NECAB2: variants seen among roughly 807,000 people sequenced by gnomAD.
NECAB2 encodes N-terminal EF-hand calcium-binding protein 2.
In NECAB2, 68 loss-of-function variants were observed where a neutral mutation model predicts 51.9. The ratio of observed to expected loss-of-function variants is 1.31; its 90% CI spans 1.08 to 1.60. NECAB2 has a LOEUF of 1.60. Among genes scored for constraint, NECAB2 ranks in the 40% most tolerant of loss-of-function variants. The probability of loss-of-function intolerance (pLI) is 0.00; values close to 1 mark genes in which losing one functional copy is unlikely to be tolerated. For missense variants in NECAB2, 854 were observed against 490.3 expected (o/e 1.74, Z -7.00); for synonymous variants, 329 against 203.5 (o/e 1.62, Z -5.25).
At position 84,000,713 on chromosome 16, in the gene NECAB2, T is replaced by C. The variant is rs1461514356; in HGVS notation, c.963-11T>C. 1 of 1,613,644 alleles carries C rather than the reference T, an allele frequency of 6.2e-7. No individual in the cohort carries two copies. Among genetic ancestry groups the C allele is most frequent in the Non-Finnish European group, 8.5e-7 (1 of 1,179,822 alleles). ...CTCCAGCCTCCTCCCCCCGACCATC[T>C]CCTGTTGCAGCATCACTGCCGTGAG... On this transcript the variant is annotated splice_polypyrimidine_tract_variant and intron_variant, in intron 10 of 12. Transcript: ENST00000305202.
At position 83,971,810 on chromosome 16, in the gene NECAB2, G is replaced by C. The variant is rs373504597; in HGVS notation, c.202-341G>C. On this transcript the variant is annotated intron_variant, in intron 1 of 12. Coordinates refer to ENST00000305202, the MANE Select transcript of NECAB2 (RefSeq NM_019065.3). Reference sequence around the variant, plus strand: ...ATTCGGAGTGTGGTTGTGTGCAGCTGAGCGTTTGGCGGTGGGTGAAGCCAC... The same window carrying C: ...ATTCGGAGTGTGGTTGTGTGCAGCTCAGCGTTTGGCGGTGGGTGAAGCCAC... 35 of 471,998 alleles carry C rather than the reference G, an allele frequency of 7.4e-5. 1 individual carries two copies. In the East Asian group the frequency reaches 9.8e-4, roughly 13 times the overall value. The allele number at this position is 471,998 out of a possible 1,614,324, so 29.2% of individuals were successfully genotyped here.
chr16:83,974,822 A>C (rs1343047896), intron 2 of NECAB2, among the ~76,000 whole-genome samples: 1 of 152,000 alleles, frequency 6.6e-6, no homozygotes, highest in African/African-American at 2.4e-5. Context: ...TAGGGGTGAG[A>C]ATAGGTGTCA....
chr16:83,994,796 C>T (rs183644882), intron 8 of NECAB2, 108 bp downstream of exon 8: 39 of 1,291,022 alleles, frequency 3.0e-5, no homozygotes, highest in Non-Finnish European at 3.9e-5. Flanking sequence ...GGCCAGGGAA[C>T]CATGAAAAAG....
intron 1 of NECAB2, among the ~76,000 whole-genome samples, chr16:83,971,021 G>C (rs2084341779): frequency 6.6e-6 from 1 of 152,060 alleles, no homozygotes; most frequent in Non-Finnish European, 1.5e-5. Flanking sequence ...TTGAACCCGG[G>C]AGGCAGAAGT....
chr16:83,986,564 G>A lies in NECAB2; in HGVS notation c.460-3930G>A, dbSNP rs141071519. The stretch of plus-strand genomic sequence containing the variant: ...GTCTTGTTGTGTTGCCCAGGCTGGA[G>A]TACAGTGGCACAGTCATTACTCATT... On this transcript the variant is annotated intron_variant, in intron 5 of 12. Transcript: ENST00000305202. Among the ~76,000 whole-genome samples the A allele has an allele frequency of 4.4e-3, 677 of 152,228 alleles. 2 individuals carry two copies. The highest frequency in any genetic ancestry group is 6.0e-3 in the Non-Finnish European group (407 of 68,026).
chr16:84,002,339 G>A lies in NECAB2; in HGVS notation c.1154G>A (p.Arg385Gln), dbSNP rs199676132. ...TTAGCTGCTTGGTGCACGGTGGGAC[G>A]GGACTGACAGCCTCCCAGAGGCCCG... ...LVPAAWCTVG[R>Q]D The change falls in exon 13 of 13, where the codon CGG (arginine) becomes CAG (glutamine). Residue 385 changes from arginine (R) to glutamine (Q), a missense_variant. Coordinates refer to ENST00000305202, the MANE Select transcript of NECAB2 (RefSeq NM_019065.3). 1.5e-4 allele frequency: 248 copies of A among 1,613,930 alleles called. No homozygotes were observed. The highest frequency in any genetic ancestry group is 1.8e-4 in the Non-Finnish European group (212 of 1,179,932).
rs1368515060 is a variant in NECAB2, at chr16:83,994,683, A to G, written c.790A>G (p.Ser264Gly). Residue 264 changes from serine (S) to glycine (G), a missense_variant, in exon 8 of 13, where the codon AGC becomes GGC. Physicochemically the swap from Ser to Gly is moderately conservative, Grantham distance 56. Coordinates refer to ENST00000305202, the MANE Select transcript of NECAB2 (RefSeq NM_019065.3). ...RLAELIGRLESKALWFDLQQR... is the reference protein window; with the variant it reads ...RLAELIGRLEGKALWFDLQQR... ...GGCAGAGCTGATTGGGAGGCTGGAG[A>G]GCAAAGTAAGCCCTGGCCTGACCAC... The G allele has an allele frequency of 6.2e-7, 1 of 1,614,020 alleles. No individual in the cohort carries two copies. Among genetic ancestry groups the G allele is most frequent in the South Asian group, 1.1e-5 (1 of 91,084 alleles).
chr16:83,984,628 G>C (rs1448472544), intron 5 of NECAB2, among the ~76,000 whole-genome samples: 1 of 152,086 alleles, frequency 6.6e-6, no homozygotes, highest in East Asian at 1.9e-4. Context: ...CTTCTTGGGA[G>C]GCTGAGGTGA....
chr16:83,982,744 G>C (rs1032752560), intron 5 of NECAB2, among the ~76,000 whole-genome samples: 1 of 152,144 alleles, frequency 6.6e-6, no homozygotes, highest in African/African-American at 2.4e-5. Context: ...TAGAGATCTT[G>C]CTCTTGGAAG....
At chr16:83,965,433 C>G (rs769488531), upstream of NECAB2, 2 of 1,591,214 alleles carry the variant, frequency 1.3e-6, no homozygotes, top group Non-Finnish European at 1.7e-6. Context: ...GCCTCAGACC[C>G]TGTCCTCATC....
intron 11 of NECAB2, among the ~76,000 whole-genome samples, chr16:84,001,130 C>G (rs114945664): frequency 1.3e-5 from 2 of 152,090 alleles, no homozygotes; most frequent in Admixed American, 6.5e-5. Context: ...GAGGGCCTAA[C>G]CTAGAAGGTG....
rs543543443 is a variant in NECAB2 at position 83,975,945 on chromosome 16, C to T, written c.227-2499C>T. ...TTAGTGAATTCATTAGGGCCGTGAT[C>T]AGGCGTTCAGGATAAATGTCAGCCG... On this transcript the variant is annotated intron_variant, in intron 2 of 12. Transcript: ENST00000305202. 8.5e-5 allele frequency among the ~76,000 whole-genome samples: 13 copies of T among 152,292 alleles called. No homozygotes were observed. In the South Asian group the frequency reaches 2.1e-3, roughly 24 times the overall value.
At chr16:83,988,064 G>A (rs2084577467) in intron 5 of NECAB2, among the ~76,000 whole-genome samples, 1 of 152,154 alleles carries the variant, frequency 6.6e-6, no homozygotes, top group Non-Finnish European at 1.5e-5. Context: ...AATCACAGTT[G>A]GTTACTGAAT....
intron 5 of NECAB2, among the ~76,000 whole-genome samples, chr16:83,988,082 C>G (rs777701628): frequency 1.3e-5 from 2 of 152,212 alleles, no homozygotes; most frequent in Non-Finnish European, 2.9e-5. Flanking sequence ...AATCTTTACA[C>G]AGGCTTTTCT....
intron 2 of NECAB2, among the ~76,000 whole-genome samples, chr16:83,976,857 T>C (rs948164318): frequency 6.6e-6 from 1 of 152,222 alleles, no homozygotes; most frequent in African/African-American, 2.4e-5. Flanking sequence ...GAGCTTATGC[T>C]CTCACCCTGT....
In NECAB2 at chr16:83,990,514, C is replaced by G; in HGVS notation, c.480C>G (p.Asn160Lys). The G allele has an allele frequency of 6.2e-7, 1 of 1,614,060 alleles. No homozygotes were observed. The highest frequency in any genetic ancestry group is 8.5e-7 in the Non-Finnish European group (1 of 1,180,008). Residue 160 changes from asparagine (N) to lysine (K), a missense_variant, in exon 6 of 13, where the codon AAC becomes AAG. Coordinates refer to ENST00000305202, the MANE Select transcript of NECAB2 (RefSeq NM_019065.3). ...YTKKVYEGGS[N>K]VDQFVTRFLL... ...CACAGGTATATGAGGGTGGGAGCAA[C>G]GTGGACCAGTTTGTGACCCGCTTCC...
chr16:83,994,741 C>G, intron 8 of NECAB2, 53 bp downstream of exon 8: 1 of 1,581,866 alleles, frequency 6.3e-7, no homozygotes, highest in Non-Finnish European at 8.7e-7. Context: ...TGAGGGAGTG[C>G]AGAGTTAAGC....
chr16:83,984,219 T>A (rs1254999710), intron 5 of NECAB2, among the ~76,000 whole-genome samples: 1 of 151,616 alleles, frequency 6.6e-6, no homozygotes, highest in Non-Finnish European at 1.5e-5. Flanking sequence ...ATGGTCTCCA[T>A]CTCCTGACCT....
chr16:83,983,815 G>A (rs1447002863), intron 5 of NECAB2, among the ~76,000 whole-genome samples: 6 of 152,116 alleles, frequency 3.9e-5, no homozygotes, highest in Admixed American at 1.3e-4. Context: ...TGTGTTCTGT[G>A]TATGAATCAG....
Sources: gnomAD v4.1 joint callset for allele counts (sites outside exome capture counted in the v4.1 genomes callset) on GRCh38, gnomAD v4.1.1 for gene constraint, MANE v1.5 for transcripts, NCBI Gene and HGNC (gene_info 2026-07-23, HGNC 2026-07-21) for gene names.